Variants in FLVCR2 observed in about 807,000 individuals in gnomAD.
The protein encoded by FLVCR2 is FLVCR choline and putative heme transporter 2.
FLVCR2 carries 38 observed loss-of-function variants against 48.9 expected under a neutral mutation model. The ratio of observed to expected loss-of-function variants is 0.78; its 90% CI spans 0.60 to 1.02. The LOEUF is 1.02. Among genes scored for constraint, FLVCR2 ranks in the 50% least tolerant of loss-of-function variants. The pLI is 0.00. For synonymous variants in FLVCR2, 255 were observed against 257.0 expected (o/e 0.99, Z 0.07); for missense variants, 664 against 663.3 (o/e 1.00, Z -0.01).
At chr14:75,587,288 G>T (rs1184735057) in intron 1 of FLVCR2, among the ~76,000 whole-genome samples, 1 of 151,980 alleles carries the variant, frequency 6.6e-6, no homozygotes, top group Non-Finnish European at 1.5e-5. Context: ...GCCACTCTCA[G>T]TAGGCCAGTA....
At chr14:75,618,673 G>T (rs1889676914) in intron 1 of FLVCR2, among the ~76,000 whole-genome samples, 1 of 152,160 alleles carries the variant, frequency 6.6e-6, no homozygotes, top group South Asian at 2.1e-4. Flanking sequence ...TCAGGCCCCA[G>T]GTCTCTGATT....
In FLVCR2 at chr14:75,582,988, G is replaced by A. The variant is rs139636242; in HGVS notation, c.669+3347G>A. ...GCCAAGATAGGTAACAGATGAAGAC[G>A]AAGTTTGGGCTTGACTGAAGTAATG... On this transcript the variant is annotated intron_variant, in intron 1 of 9. Transcript: ENST00000238667. Among the ~76,000 whole-genome samples, 1,323 of 152,288 alleles carry A rather than the reference G, an allele frequency of 8.7e-3. 15 individuals are homozygous for A. The highest frequency in any genetic ancestry group is 0.03 in the African/African-American group (1,244 of 41,554).
At chr14:75,586,397 A>G (rs532715718) in intron 1 of FLVCR2, among the ~76,000 whole-genome samples, 13 of 152,186 alleles carry the variant, frequency 8.5e-5, no homozygotes, top group African/African-American at 2.9e-4. Context: ...AGTTAAGGCT[A>G]TTTTCACTTT....
intron 3 of FLVCR2, among the ~76,000 whole-genome samples, chr14:75,625,488 C>T (rs1034853422): frequency 6.6e-6 from 1 of 151,994 alleles, no homozygotes; most frequent in Admixed American, 6.5e-5. Context: ...TAGCATTCCA[C>T]TAAAGAGTGT....
At chr14:75,616,142 TAGTG>T (rs1886420381) in intron 1 of FLVCR2, among the ~76,000 whole-genome samples, 1 of 147,454 alleles carries the variant, frequency 6.8e-6, no homozygotes, top group African/African-American at 2.5e-5. Flanking sequence ...CTAGGCAACA[TAGTG>T]AGAGACCCCA....
chr14:75,623,174 G>A (rs573853871), intron 2 of FLVCR2, among the ~76,000 whole-genome samples: 118 of 152,136 alleles, frequency 7.8e-4, no homozygotes, highest in African/African-American at 2.7e-3. Flanking sequence ...TAGAGACAGG[G>A]TTTCACTATG....
chr14:75,628,055 A>G (rs1174861199), intron 3 of FLVCR2, among the ~76,000 whole-genome samples: 5 of 152,222 alleles, frequency 3.3e-5, no homozygotes, highest in Non-Finnish European at 5.9e-5. Context: ...ACTTACTCCA[A>G]CTGTTAATCT....
chr14:75,614,320 T>A (rs1038248722), intron 1 of FLVCR2, among the ~76,000 whole-genome samples: 7 of 152,364 alleles, frequency 4.6e-5, no homozygotes, highest in Middle Eastern at 3.4e-3. Context: ...GTGGCAATGG[T>A]GCTTTCCTGA....
At chr14:75,582,873 AAAG>A (rs1594787653) in intron 1 of FLVCR2, among the ~76,000 whole-genome samples, 1 of 152,310 alleles carries the variant, frequency 6.6e-6, no homozygotes. Context: ...CCTAGGAAGG[AAAG>A]AAGTTGTTTT....
chr14:75,614,230 A>T (rs1889548052), intron 1 of FLVCR2, among the ~76,000 whole-genome samples: 1 of 152,212 alleles, frequency 6.6e-6, no homozygotes, highest in Non-Finnish European at 1.5e-5. Context: ...AAAGTATCAA[A>T]CTTTCTCTGA....
At chr14:75,624,579 A>G (rs1889850184) in intron 2 of FLVCR2, 33 bp from the exon 3 acceptor site, 5 of 1,613,794 alleles carry the variant, frequency 3.1e-6, no homozygotes, top group Non-Finnish European at 4.2e-6. Context: ...GGACCATGGG[A>G]ATTTTCAGCC....
At chr14:75,630,003 TG>T (rs1197226820) in intron 3 of FLVCR2, among the ~76,000 whole-genome samples, 1 of 152,206 alleles carries the variant, frequency 6.6e-6, no homozygotes, top group African/African-American at 2.4e-5. Context: ...TCCAGATTCC[TG>T]GGAGCTTTGC....
intron 1 of FLVCR2, among the ~76,000 whole-genome samples, chr14:75,598,380 A>G (rs1889077292): frequency 6.6e-6 from 1 of 152,250 alleles, no homozygotes; most frequent in Admixed American, 6.5e-5. Context: ...TTGACATTCA[A>G]TCCAGTGCAC....
chr14:75,635,806 G>A (rs992601262), intron 5 of FLVCR2, among the ~76,000 whole-genome samples: 11 of 152,116 alleles, frequency 7.2e-5, no homozygotes, highest in African/African-American at 2.4e-5. Flanking sequence ...GGAGGTTGCT[G>A]TGAACTGGGT....
At chr14:75,623,138 T>G (rs143652146) in intron 2 of FLVCR2, among the ~76,000 whole-genome samples, 28 of 152,238 alleles carry the variant, frequency 1.8e-4, no homozygotes, top group Non-Finnish European at 2.4e-4. Context: ...CCTGTCACCA[T>G]GTCCGGCTAA....
In FLVCR2 at chr14:75,634,989, G is replaced by A. The variant is rs761024466; in HGVS notation, c.1100G>A (p.Trp367Ter). 6.2e-7 allele frequency: 1 copy of A among 1,613,314 alleles called. No individual in the cohort carries two copies. ...CTTGGGGCTGTGATCTCAGGAATCT[G>A]GCTGGATAGGTCCAAAACCTACAAG... ...GMLGAVISGI[W>*]LDRSKTYKET... Residue 367 changes from tryptophan to a stop codon, truncating the protein, a stop_gained, in exon 5 of 10, where the codon TGG (tryptophan) becomes TAG (stop). Coordinates refer to ENST00000238667, the MANE Select transcript of FLVCR2 (RefSeq NM_017791.3). LOFTEE classifies it high-confidence loss of function.
At chr14:75,636,460 C>T (rs1890168951) in intron 5 of FLVCR2, among the ~76,000 whole-genome samples, 1 of 152,202 alleles carries the variant, frequency 6.6e-6, no homozygotes, top group Non-Finnish European at 1.5e-5. Flanking sequence ...AGCAGTGACC[C>T]TTTTTCCGGG....
intron 3 of FLVCR2, among the ~76,000 whole-genome samples, chr14:75,628,777 A>G (rs1336035331): frequency 6.6e-6 from 1 of 151,650 alleles, no homozygotes; most frequent in African/African-American, 2.4e-5. Flanking sequence ...TCTCTTTAAT[A>G]CTCTCCACCC....
chr14:75,603,733 C>T (rs1335434912), intron 1 of FLVCR2, among the ~76,000 whole-genome samples: 6 of 152,134 alleles, frequency 3.9e-5, no homozygotes, highest in Non-Finnish European at 8.8e-5. Context: ...TAGATGCTGC[C>T]GCAGTACCCT....
Sources: allele counts gnomAD v4.1 joint callset (sites outside exome capture counted in the v4.1 genomes callset), GRCh38; gene constraint gnomAD v4.1.1; transcripts MANE v1.5; gene names NCBI Gene and HGNC (gene_info 2026-07-23, HGNC 2026-07-21).